ATP10A: variants seen among roughly 807,000 people sequenced by gnomAD.
ATP10A encodes the protein ATPase phospholipid transporting 10A (putative), also known as phospholipid-transporting ATPase VA.
Under a neutral mutation model 147.8 loss-of-function variants are expected in ATP10A, and 111 were observed. The observed-to-expected ratio is 0.75, with a 90% confidence interval of 0.64 to 0.88. The LOEUF (loss-of-function observed/expected upper bound fraction) is 0.88. ATP10A is among the 40% of genes least tolerant of loss of function. The probability of loss-of-function intolerance (pLI) is 0.00; values close to 1 mark genes in which losing one functional copy is unlikely to be tolerated. For synonymous variants in ATP10A, 875 were observed against 841.6 expected (o/e 1.04, Z -0.69); for missense variants, 1,927 against 1,959.0 (o/e 0.98, Z 0.31).
chr15:25,769,809 G>A (rs1160853085), intron 2 of ATP10A, among the ~76,000 whole-genome samples: 1 of 152,154 alleles, frequency 6.6e-6, no homozygotes, highest in Non-Finnish European at 1.5e-5. Flanking sequence ...CCAGATTCAT[G>A]CGTTCAAATC....
rs546366125 is a variant in ATP10A, at chr15:25,691,629, A to G, written c.3165+86T>C. ...TTTAGCCTCGTTCAGTAGAGCCCAGAGGAAGTCGGGGACAGCCCACAGGGT... is the reference window on the plus strand; with the variant it reads ...TTTAGCCTCGTTCAGTAGAGCCCAGGGGAAGTCGGGGACAGCCCACAGGGT... On this transcript the variant is annotated intron_variant, in intron 15 of 20. Transcript: ENST00000555815. The G allele has an allele frequency of 9.7e-5, 132 of 1,362,738 alleles. 1 individual carries two copies. In the South Asian group the frequency reaches 1.4e-3, roughly 15 times the overall value. The allele number at this position is 1,362,738 out of a possible 1,614,324, so 84.4% of individuals were successfully genotyped here.
chr15:25,734,992 C>T (rs1225112830), intron 3 of ATP10A, among the ~76,000 whole-genome samples: 1 of 70,666 alleles, frequency 1.4e-5, no homozygotes, highest in Middle Eastern at 8.3e-3. Flanking sequence ...CGTATGTCTG[C>T]GTGGTGGGAG....
Position 25,695,019 on chromosome 15 carries a change from G to A in ATP10A, c.2888C>T (p.Ser963Phe), listed in dbSNP as rs1900241639. The change falls in exon 14 of 21, where the codon TCC (serine) becomes TTC (phenylalanine). Residue 963 changes from serine (S) to phenylalanine (F), a missense_variant. Physicochemically the swap from Ser to Phe is radical, Grantham distance 155. Coordinates refer to ENST00000555815, the MANE Select transcript of ATP10A (RefSeq NM_024490.4). ...GCTGGGTCTGCGGCCAGAGGCAGTG[G>A]ACGTGGAGGGTGGGCAGAGAGAGGA... ...RFSSLCPPST[S>F]TASGRRPSLV... The A allele has an allele frequency of 1.2e-6, 2 of 1,614,068 alleles. No homozygotes were observed. The highest frequency in any genetic ancestry group is 1.7e-5 in the Admixed American group (1 of 60,008).
intron 13 of ATP10A, among the ~76,000 whole-genome samples, chr15:25,700,865 T>A (rs544092819): frequency 1.1e-4 from 16 of 151,764 alleles, no homozygotes; most frequent in African/African-American, 3.9e-4. Flanking sequence ...ATAAAAGCAA[T>A]GACCAGGTCA....
At chr15:25,689,366 G>A (rs1899883746) in intron 15 of ATP10A, among the ~76,000 whole-genome samples, 1 of 152,234 alleles carries the variant, frequency 6.6e-6, no homozygotes, top group African/African-American at 2.4e-5. Flanking sequence ...AGCTCACGAA[G>A]ACAGAACTTC....
At chr15:25,761,013 C>T (rs999549141) in intron 2 of ATP10A, among the ~76,000 whole-genome samples, 4 of 152,094 alleles carry the variant, frequency 2.6e-5, no homozygotes, top group Non-Finnish European at 5.9e-5. Context: ...TTGTAAACAA[C>T]CCAAATGTCT....
At chr15:25,824,764 T>C (rs1214263848) in intron 1 of ATP10A, among the ~76,000 whole-genome samples, 1 of 152,180 alleles carries the variant, frequency 6.6e-6, no homozygotes, top group Admixed American at 6.5e-5. Context: ...AAAACATTTA[T>C]TCAAGAAAAA....
intron 1 of ATP10A, among the ~76,000 whole-genome samples, chr15:25,804,465 G>A (rs1891091207): frequency 7.5e-6 from 1 of 133,188 alleles, no homozygotes; most frequent in Admixed American, 7.2e-5. Context: ...TGGTGTGTGT[G>A]TGGTGTATGT....
intron 1 of ATP10A, among the ~76,000 whole-genome samples, chr15:25,861,018 C>G (rs11634425): frequency 0.57 from 86,302 of 152,026 alleles, 28,641 homozygotes; most frequent in East Asian, 0.73. Flanking sequence ...GACACGGAGG[C>G]CATTTGTGTA....
At chr15:25,816,160 C>T (rs1218056035) in intron 1 of ATP10A, among the ~76,000 whole-genome samples, 1 of 151,614 alleles carries the variant, frequency 6.6e-6, no homozygotes, top group African/African-American at 2.4e-5. Context: ...GTAAACAGAA[C>T]TTCGAGAACA....
chr15:25,688,423 G>A (rs368783221), intron 15 of ATP10A, among the ~76,000 whole-genome samples: 2 of 152,270 alleles, frequency 1.3e-5, no homozygotes, highest in African/African-American at 4.8e-5. Context: ...TGGAGAAGAC[G>A]TTTCCTCCAT....
At chr15:25,673,059 G>C (rs1400516675), downstream of ATP10A, among the ~76,000 whole-genome samples, 1 of 152,146 alleles carries the variant, frequency 6.6e-6, no homozygotes, top group African/African-American at 2.4e-5. Flanking sequence ...CAATGAGCAG[G>C]GCCAGTGAGC....
intron 2 of ATP10A, among the ~76,000 whole-genome samples, chr15:25,777,963 A>G (rs1393765944): frequency 6.6e-6 from 1 of 152,008 alleles, no homozygotes; most frequent in Non-Finnish European, 1.5e-5. Context: ...TTTTTTAAAG[A>G]TAACAGCTTT....
At chr15:25,777,390 C>T (rs1889666896) in intron 2 of ATP10A, among the ~76,000 whole-genome samples, 1 of 152,100 alleles carries the variant, frequency 6.6e-6, no homozygotes, top group African/African-American at 2.4e-5. Context: ...AGTTCTTATG[C>T]TTGGCACCTC....
chr15:25,717,669 A>C (rs1489949895), intron 8 of ATP10A, among the ~76,000 whole-genome samples: 1 of 152,180 alleles, frequency 6.6e-6, no homozygotes, highest in Non-Finnish European at 1.5e-5. Flanking sequence ...AGCAAGGGGG[A>C]TTCATCCCCT....
At chr15:25,860,373 C>G (rs1431050323) in intron 1 of ATP10A, among the ~76,000 whole-genome samples, 1 of 152,198 alleles carries the variant, frequency 6.6e-6, no homozygotes, top group Non-Finnish European at 1.5e-5. Context: ...CCACCCAGGA[C>G]TTCACCTGGT....
At chr15:25,738,961 C>T (rs1567346462) in intron 2 of ATP10A, among the ~76,000 whole-genome samples, 2 of 152,186 alleles carry the variant, frequency 1.3e-5, no homozygotes, top group Admixed American at 6.5e-5. Flanking sequence ...ATCAGCTCAA[C>T]CATCAATACC....
chr15:25,714,365 C>T, intron 9 of ATP10A, 124 bp from the exon 10 acceptor site: 1 of 815,232 alleles, frequency 1.2e-6, no homozygotes, highest in Non-Finnish European at 1.9e-6. Context: ...CCACTGGGGT[C>T]TCAGAGCACA....
At chr15:25,814,354 C>A (rs1336325480) in intron 1 of ATP10A, among the ~76,000 whole-genome samples, 1 of 152,180 alleles carries the variant, frequency 6.6e-6, no homozygotes, top group Non-Finnish European at 1.5e-5. Context: ...TCATCATGGG[C>A]AGACCTGTAC....
Sources: gnomAD v4.1 joint callset for allele counts (sites outside exome capture counted in the v4.1 genomes callset) on GRCh38, gnomAD v4.1.1 for gene constraint, MANE v1.5 for transcripts, NCBI Gene and HGNC (gene_info 2026-07-23, HGNC 2026-07-21) for gene names.